The following N4BP2L2 variants were observed in gnomAD, a reference collection of about 807,000 sequenced individuals.
The protein encoded by N4BP2L2 is NEDD4 binding protein 2 like 2, also known as NEDD4-binding protein 2-like 2.
Under a neutral mutation model 56.2 loss-of-function variants are expected in N4BP2L2, and 50 were observed. That is an observed-to-expected ratio of 0.89 (90% CI 0.71 to 1.13). The LOEUF (loss-of-function observed/expected upper bound fraction) is 1.13. Ranked by LOEUF, N4BP2L2 falls within the 50% of genes most tolerant of loss-of-function variation. The pLI, the probability that N4BP2L2 is intolerant of heterozygous loss-of-function variation, is 0.00. For synonymous variants in N4BP2L2, 203 were observed against 223.6 expected, an observed-to-expected ratio of 0.91 and a Z score of 0.82; for missense variants, 689 against 693.8, an observed-to-expected ratio of 0.99 and a Z score of 0.08.
At chr13:32,528,093 C>A in intron 2 of N4BP2L2, among the ~76,000 whole-genome samples, 1 of 152,126 alleles carries the variant, frequency 6.6e-6, no homozygotes, top group East Asian at 1.9e-4. Context: ...TTTGAAGCAG[C>A]ATTTGTATTG....
At chr13:32,481,770 A>C (rs1310846516) in intron 6 of N4BP2L2, among the ~76,000 whole-genome samples, 2 of 152,114 alleles carry the variant, frequency 1.3e-5, no homozygotes, top group Admixed American at 1.3e-4. Context: ...CTTCTTGACT[A>C]TTATTCAAAC....
intron 6 of N4BP2L2, among the ~76,000 whole-genome samples, chr13:32,499,178 C>A (rs1330334393): frequency 6.6e-6 from 1 of 152,116 alleles, no homozygotes; most frequent in African/African-American, 2.4e-5. Flanking sequence ...CTATAGGAAG[C>A]CTTCCTTGAA....
In N4BP2L2 at chr13:32,522,607, T is replaced by C. The variant is rs187516808; in HGVS notation, c.1385-337A>G. ...GAGATGAACAATTTACATCTGAATA[T>C]AGACTAAGTAAGAGAAGAGGTGAAA... is the stretch of plus-strand genomic sequence containing the variant. On this transcript the variant is annotated intron_variant, in intron 3 of 5. Transcript: ENST00000267068. 1.2e-4 allele frequency: 19 copies of C among 162,050 alleles called. No individual in the cohort carries two copies. In the East Asian group the frequency reaches 3.1e-3, roughly 26 times the overall value. 10.0% of individuals were successfully genotyped at this position (162,050 alleles called of 1,614,324 possible).
exon 6 of N4BP2L2, chr13:32,516,588 T>A (rs1378088518): frequency 6.6e-6 from 1 of 152,208 alleles, no homozygotes; most frequent in Non-Finnish European, 1.5e-5. Flanking sequence ...GGATTCAAGA[T>A]GTGCTGGTTT....
intron 6 of N4BP2L2, among the ~76,000 whole-genome samples, chr13:32,471,687 T>C (rs2082322420): frequency 6.6e-6 from 1 of 152,198 alleles, no homozygotes; most frequent in Non-Finnish European, 1.5e-5. Context: ...GCTGCAGAGC[T>C]GGAGCTGACA....
chr13:32,506,393 A>T (rs1246631772), downstream of N4BP2L2: 1 of 151,938 alleles, frequency 6.6e-6, no homozygotes, highest in Non-Finnish European at 1.5e-5. Context: ...TGTGTGTGGG[A>T]GTGGGGGGTG....
chr13:32,497,376 A>C (rs1291681805), intron 6 of N4BP2L2, among the ~76,000 whole-genome samples: 1 of 152,204 alleles, frequency 6.6e-6, no homozygotes, highest in African/African-American at 2.4e-5. Flanking sequence ...CCTTGCTCCC[A>C]AGATTTTAGT....
At chr13:32,471,833 G>A (rs981575508) in intron 6 of N4BP2L2, among the ~76,000 whole-genome samples, 1 of 152,234 alleles carries the variant, frequency 6.6e-6, no homozygotes, top group Non-Finnish European at 1.5e-5. Context: ...TGTTCTTTCA[G>A]CTATTTGTCG....
downstream of N4BP2L2, chr13:32,506,985 G>C (rs989188763): frequency 3.3e-5 from 5 of 151,682 alleles, no homozygotes; most frequent in Non-Finnish European, 7.4e-5. Flanking sequence ...TAGTAATATC[G>C]TATTTCCTGA....
intron 6 of N4BP2L2, among the ~76,000 whole-genome samples, chr13:32,463,681 A>AG (rs1409106087): frequency 6.4e-4 from 95 of 147,976 alleles, no homozygotes; most frequent in Middle Eastern, 3.4e-3. Context: ...AAAAAAAAAA[A>AG]GGGGGCACTT....
intron 6 of N4BP2L2, among the ~76,000 whole-genome samples, chr13:32,500,983 C>T (rs1423100905): frequency 6.6e-6 from 1 of 151,906 alleles, no homozygotes; most frequent in African/African-American, 2.4e-5. Flanking sequence ...GTTCTTCTGC[C>T]TCAGCCTCCC....
At chr13:32,527,187 A>G in intron 3 of N4BP2L2, 1 of 476,732 alleles carries the variant, frequency 2.1e-6, no homozygotes, top group Non-Finnish European at 3.7e-6. Flanking sequence ...ACAGTTTACA[A>G]AGCGTTTTAT....
exon 6 of N4BP2L2, chr13:32,515,429 G>A (rs2043383263): frequency 6.6e-6 from 1 of 152,122 alleles, no homozygotes; most frequent in Admixed American, 6.6e-5. Flanking sequence ...CACGTAGCAG[G>A]ACAAGACCTT....
chr13:32,458,551 T>C (rs1212555264), intron 6 of N4BP2L2, among the ~76,000 whole-genome samples: 2 of 152,198 alleles, frequency 1.3e-5, no homozygotes, highest in Admixed American at 6.5e-5. Context: ...AAGGTCATTA[T>C]ATAATGACAA....
chr13:32,462,924 T>C (rs530982944), intron 6 of N4BP2L2, among the ~76,000 whole-genome samples: 11 of 136,264 alleles, frequency 8.1e-5, no homozygotes, highest in Middle Eastern at 4.1e-3. Flanking sequence ...ATGCCTGTAA[T>C]CCCAGCTACA....
At chr13:32,503,416 G>A (rs1223967295) in intron 6 of N4BP2L2, among the ~76,000 whole-genome samples, 1 of 152,078 alleles carries the variant, frequency 6.6e-6, no homozygotes, top group Non-Finnish European at 1.5e-5. Context: ...ATTCAGAAGT[G>A]TTAATCCCAC....
exon 7 of N4BP2L2, chr13:32,443,104 G>A (rs1805178589): frequency 6.2e-7 from 1 of 1,609,896 alleles, no homozygotes; most frequent in Non-Finnish European, 8.5e-7. Context: ...TGATTCTAAG[G>A]CATTCTTTGG....
intron 6 of N4BP2L2, chr13:32,446,367 A>C (rs778749997): frequency 7.3e-7 from 1 of 1,365,584 alleles, no homozygotes; most frequent in Admixed American, 1.9e-5. Context: ...ACCTGATTCC[A>C]GTGAAAGTCC....
intron 5 of N4BP2L2, among the ~76,000 whole-genome samples, chr13:32,519,673 T>A (rs1408841531): frequency 6.6e-6 from 1 of 151,470 alleles, no homozygotes; most frequent in Non-Finnish European, 1.5e-5. Flanking sequence ...TAAAAAAAGA[T>A]CACTACTGCA....
Sources: allele counts gnomAD v4.1 joint callset (sites outside exome capture counted in the v4.1 genomes callset), GRCh38; gene constraint gnomAD v4.1.1; transcripts MANE v1.5; gene names NCBI Gene and HGNC (gene_info 2026-07-23, HGNC 2026-07-21).